Variants in EPHA6 observed in about 807,000 individuals in gnomAD.
EPHA6 encodes EPH receptor A6, also known as ephrin type-A receptor 6.
In EPHA6, 50 loss-of-function variants were observed where a neutral mutation model predicts 112.0. The ratio of observed to expected loss-of-function variants is 0.45; its 90% CI spans 0.36 to 0.56. The LOEUF (loss-of-function observed/expected upper bound fraction) is 0.56. EPHA6 is among the 20% of genes least tolerant of loss of function. EPHA6 has a pLI of 0.00. For synonymous variants in EPHA6, 529 were observed against 490.7 expected (o/e 1.08, Z -1.03); for missense variants, 1,280 against 1,417.4 (o/e 0.90, Z 1.56).
At chr3:96,988,020 A>G (rs367706131) in intron 3 of EPHA6, 27 bp downstream of exon 3, 21 of 1,509,090 alleles carry the variant, frequency 1.4e-5, no homozygotes, top group South Asian at 3.9e-5. Flanking sequence ...TAAATAATTT[A>G]TCTTGCATTT....
chr3:97,246,523 T>C (rs2078991102), intron 5 of EPHA6, among the ~76,000 whole-genome samples: 1 of 151,890 alleles, frequency 6.6e-6, no homozygotes, highest in African/African-American at 2.4e-5. Flanking sequence ...TATACATATA[T>C]TGGAACTATA....
intron 14 of EPHA6, among the ~76,000 whole-genome samples, chr3:97,719,299 G>A (rs1485739077): frequency 1.3e-5 from 2 of 151,932 alleles, no homozygotes; most frequent in African/African-American, 2.4e-5. Context: ...TTTGTGGTGA[G>A]CTCTGACTGT....
intron 12 of EPHA6, among the ~76,000 whole-genome samples, chr3:97,600,948 T>C (rs1312041229): frequency 2.2e-4 from 33 of 152,130 alleles, no homozygotes; most frequent in Non-Finnish European, 5.9e-5. Context: ...TAGTTCTTTT[T>C]TACTTCTCTA....
chr3:97,604,055 G>C (rs2093661938), intron 12 of EPHA6, among the ~76,000 whole-genome samples: 1 of 151,752 alleles, frequency 6.6e-6, no homozygotes, highest in Admixed American at 6.6e-5. Flanking sequence ...TCTATTCTCT[G>C]TTTTAAACAC....
At chr3:96,996,546 G>C (rs1159778508) in intron 3 of EPHA6, among the ~76,000 whole-genome samples, 3 of 152,202 alleles carry the variant, frequency 2.0e-5, no homozygotes, top group Middle Eastern at 3.4e-3. Flanking sequence ...TGTGCTAGCA[G>C]ATATGAAAGC....
chr3:97,108,904 ATG>A (rs1211888982), intron 3 of EPHA6, among the ~76,000 whole-genome samples: 4 of 152,102 alleles, frequency 2.6e-5, no homozygotes, highest in Admixed American at 1.3e-4. Flanking sequence ...CCAGCTTTCC[ATG>A]TAGATGTTCA....
chr3:96,977,269 A>G (rs1461228711), intron 2 of EPHA6, among the ~76,000 whole-genome samples: 1 of 150,358 alleles, frequency 6.7e-6, no homozygotes, highest in Non-Finnish European at 1.5e-5. Flanking sequence ...TGACACATAG[A>G]AAGACAAATA....
intron 9 of EPHA6, among the ~76,000 whole-genome samples, chr3:97,480,447 C>T (rs1242398821): frequency 1.3e-5 from 2 of 152,042 alleles, no homozygotes; most frequent in Non-Finnish European, 2.9e-5. Flanking sequence ...AACCAGCATG[C>T]TGCCTTCAAG....
chr3:97,533,289 A>G (rs2092716258), intron 11 of EPHA6, among the ~76,000 whole-genome samples: 1 of 152,036 alleles, frequency 6.6e-6, no homozygotes, highest in Admixed American at 6.6e-5. Context: ...TGAAAGAGGC[A>G]TTTTTCTTTC....
At chr3:97,126,609 A>G (rs996936747) in intron 3 of EPHA6, among the ~76,000 whole-genome samples, 6 of 152,104 alleles carry the variant, frequency 3.9e-5, no homozygotes, top group Non-Finnish European at 8.8e-5. Context: ...AAGATGACAA[A>G]TTAATTCCCA....
chr3:96,924,555 G>A (rs1441120364), intron 2 of EPHA6, among the ~76,000 whole-genome samples: 1 of 152,076 alleles, frequency 6.6e-6, no homozygotes, highest in Non-Finnish European at 1.5e-5. Context: ...CTGACCAATG[G>A]GATTTTCTGG....
chr3:97,654,572 A>C (rs2094126613), intron 14 of EPHA6, among the ~76,000 whole-genome samples: 1 of 152,014 alleles, frequency 6.6e-6, no homozygotes, highest in Admixed American at 6.6e-5. Context: ...ATATTTCTTT[A>C]ATAAGGTTGT....
At chr3:97,437,897 T>G (rs184057987) in intron 6 of EPHA6, among the ~76,000 whole-genome samples, 49 of 152,280 alleles carry the variant, frequency 3.2e-4, no homozygotes, top group Middle Eastern at 3.4e-3. Context: ...TATGTATTCT[T>G]TAAATGTTTT....
At chr3:97,186,400 C>G (rs1336334380) in intron 3 of EPHA6, among the ~76,000 whole-genome samples, 1 of 152,076 alleles carries the variant, frequency 6.6e-6, no homozygotes, top group Non-Finnish European at 1.5e-5. Context: ...TTTGTTAAAA[C>G]TAATCTATTC....
chr3:96,875,513 T>C (rs1158901970), intron 2 of EPHA6, among the ~76,000 whole-genome samples: 1 of 152,144 alleles, frequency 6.6e-6, no homozygotes, highest in African/African-American at 2.4e-5. Context: ...ATGATGAAAT[T>C]CTATGGTGAG....
At chr3:96,984,039 T>C (rs2042920119) in intron 2 of EPHA6, among the ~76,000 whole-genome samples, 1 of 152,232 alleles carries the variant, frequency 6.6e-6, no homozygotes, top group African/African-American at 2.4e-5. Flanking sequence ...ATCTGAAGCC[T>C]TCTTCTCTCA....
At chr3:96,835,339 T>C (rs1313460314) in intron 1 of EPHA6, among the ~76,000 whole-genome samples, 1 of 152,046 alleles carries the variant, frequency 6.6e-6, no homozygotes, top group Non-Finnish European at 1.5e-5. Context: ...TCAAAGGAAG[T>C]GGTGGTCACA....
intron 3 of EPHA6, among the ~76,000 whole-genome samples, chr3:97,170,020 C>T (rs1322763007): frequency 6.6e-6 from 1 of 151,698 alleles, no homozygotes; most frequent in Non-Finnish European, 1.5e-5. Flanking sequence ...GCATGTGGGG[C>T]TTACAACCTA....
intron 5 of EPHA6, among the ~76,000 whole-genome samples, chr3:97,260,339 T>C (rs2079460360): frequency 6.6e-6 from 1 of 152,168 alleles, no homozygotes; most frequent in African/African-American, 2.4e-5. Context: ...AGCCAGATTC[T>C]TCATGTCCAT....
Sources: allele counts gnomAD v4.1 joint callset (sites outside exome capture counted in the v4.1 genomes callset), GRCh38; gene constraint gnomAD v4.1.1; transcripts MANE v1.5; gene names NCBI Gene and HGNC (gene_info 2026-07-23, HGNC 2026-07-21).